CUX1: variants seen among roughly 807,000 people sequenced by gnomAD.
CUX1 encodes the protein protein CASP.
Under a neutral mutation model 158.8 loss-of-function variants are expected in CUX1, and 31 were observed. The observed-to-expected ratio is 0.20, with a 90% CI of 0.15 to 0.26. CUX1 has a LOEUF of 0.26. Ranked by LOEUF, CUX1 falls within the 10% of genes least tolerant of loss-of-function variation. The pLI is 1.00. For synonymous variants in CUX1, 879 were observed against 862.1 expected (o/e 1.02, Z -0.34); for missense variants, 1,589 against 2,014.6 (o/e 0.79, Z 4.04).
In CUX1 at chr7:101,984,496, C is replaced by CAA. The variant is rs569101693; in HGVS notation, c.142-43583_142-43582dup. On this transcript the variant is annotated intron_variant, in intron 2 of 23. Coordinates refer to ENST00000292535, the MANE Select transcript of CUX1 (RefSeq NM_181552.4). ...TTTGAACGCTCAGATTGTTCTCCGGCAAAAAAAAAAAAAAAAAAAAGTGCT... is the reference window on the plus strand; with the variant it reads ...TTTGAACGCTCAGATTGTTCTCCGGCAAAAAAAAAAAAAAAAAAAAAAGTGCT... 4.0e-3 allele frequency among the ~76,000 whole-genome samples: 450 copies of CAA among 111,628 alleles called. 3 individuals are homozygous for CAA. The highest frequency in any genetic ancestry group is 0.012 in the African/African-American group (326 of 27,076). 73.2% of individuals were successfully genotyped at this position (111,628 alleles called of 152,430 possible).
chr7:102,094,844 T>C (rs1829013097), intron 4 of CUX1, among the ~76,000 whole-genome samples: 1 of 152,074 alleles, frequency 6.6e-6, no homozygotes. Context: ...CAGCACAAGG[T>C]CGTGAAGGTG....
At chr7:102,269,412 C>CT (rs201452988) in intron 14 of CUX1, among the ~76,000 whole-genome samples, 13,846 of 144,864 alleles carry the variant, frequency 0.096, 843 homozygotes, top group East Asian at 0.28. Context: ...ACCCCAAAGT[C>CT]TTTTTTTTTT....
chr7:101,931,913 A>T (rs1283617506), intron 2 of CUX1, among the ~76,000 whole-genome samples: 1 of 152,130 alleles, frequency 6.6e-6, no homozygotes, highest in Non-Finnish European at 1.5e-5. Context: ...AAATTTGTAG[A>T]TTTGGAGAGG....
Position 102,115,282 on chromosome 7 carries a change from C to G in CUX1, c.674+9C>G. 1.2e-6 allele frequency: 2 copies of G among 1,606,958 alleles called. No homozygotes were observed. Among genetic ancestry groups the G allele is most frequent in the South Asian group, 1.1e-5 (1 of 89,702 alleles). ...GAAGAAACTACTGCAAAGTAAGTCT[C>G]TCTGCTTGGCCTCCCTTATCCGTAC... On this transcript the variant is annotated intron_variant, in intron 8 of 23. Transcript: ENST00000292535.
chr7:102,107,551 A>C (rs1353999154), intron 6 of CUX1, among the ~76,000 whole-genome samples: 1 of 152,210 alleles, frequency 6.6e-6, no homozygotes, highest in Non-Finnish European at 1.5e-5. Flanking sequence ...CCAAATAAAA[A>C]ATAAATAAAA....
At chr7:102,168,598 C>G (rs1797843781) in intron 9 of CUX1, among the ~76,000 whole-genome samples, 1 of 136,372 alleles carries the variant, frequency 7.3e-6, no homozygotes, top group Non-Finnish European at 1.5e-5. Flanking sequence ...GAGCCAAGAT[C>G]ATGCCACTGC....
chr7:101,979,461 G>A (rs1414003866), intron 2 of CUX1, among the ~76,000 whole-genome samples: 1 of 152,220 alleles, frequency 6.6e-6, no homozygotes, highest in Admixed American at 6.5e-5. Flanking sequence ...CTAGTTATCA[G>A]TCTGATATAT....
At chr7:102,191,454 A>G (rs562812948) in intron 12 of CUX1, among the ~76,000 whole-genome samples, 1 of 152,066 alleles carries the variant, frequency 6.6e-6, no homozygotes, top group East Asian at 1.9e-4. Context: ...GCTGGTCTCA[A>G]TCTCCCGACC....
chr7:102,250,330 T>C lies in CUX1; in HGVS notation c.*1288T>C, dbSNP rs1303307422. On this transcript the variant is annotated 3_prime_UTR_variant, in exon 24 of 24. Coordinates refer to ENST00000292535, the MANE Select transcript of CUX1 (RefSeq NM_181552.4). ...CCAGACGGGCCCATCCCCAAGTAGA[T>C]AGCAGTCTACGGATCTCTCTCTGGC... 1.0e-5 allele frequency: 10 copies of C among 985,298 alleles called. No individual in the cohort carries two copies. The African/African-American group carries it at 1.6e-4, about 15-fold the overall frequency. 61.0% of individuals were successfully genotyped at this position (985,298 alleles called of 1,614,324 possible).
At chr7:102,068,284 T>A (rs1302305460) in intron 3 of CUX1, among the ~76,000 whole-genome samples, 1 of 151,968 alleles carries the variant, frequency 6.6e-6, no homozygotes, top group Non-Finnish European at 1.5e-5. Context: ...GTAAAATTTT[T>A]ATTTTTAAAT....
intron 3 of CUX1, among the ~76,000 whole-genome samples, chr7:102,038,095 C>T (rs1821662444): frequency 6.6e-6 from 1 of 151,876 alleles, no homozygotes; most frequent in Admixed American, 6.6e-5. Flanking sequence ...CTGCTAGCTC[C>T]ATGGTATGTT....
intron 11 of CUX1, among the ~76,000 whole-genome samples, chr7:102,179,250 A>G (rs887831098): frequency 1.4e-4 from 21 of 152,064 alleles, no homozygotes; most frequent in African/African-American, 5.1e-4. Flanking sequence ...GTTTCGCCAC[A>G]TTGGCCAGGC....
chr7:101,843,691 A>G (rs986963935), intron 1 of CUX1, among the ~76,000 whole-genome samples: 4 of 152,132 alleles, frequency 2.6e-5, no homozygotes, highest in Non-Finnish European at 4.4e-5. Context: ...CTTTCTGTCA[A>G]ACAAGTTAAG....
At chr7:102,203,522 C>T (rs1352310194) in intron 18 of CUX1, among the ~76,000 whole-genome samples, 4 of 152,190 alleles carry the variant, frequency 2.6e-5, no homozygotes, top group Admixed American at 6.6e-5. Context: ...TATTTCAAGT[C>T]CCTTGAGATT....
intron 7 of CUX1, 71 bp downstream of exon 7, chr7:102,111,845 C>A: frequency 2.2e-6 from 3 of 1,377,050 alleles, no homozygotes; most frequent in Non-Finnish European, 3.1e-6. Flanking sequence ...CAGCCCCTGA[C>A]CGCCCCGGTC....
chr7:102,241,121 G>A (rs1053698725), intron 23 of CUX1, among the ~76,000 whole-genome samples: 1 of 152,134 alleles, frequency 6.6e-6, no homozygotes, highest in Non-Finnish European at 1.5e-5. Context: ...CACCCAGCCA[G>A]TTCTCTTCAT....
In CUX1 at chr7:102,253,926, C is replaced by T; in HGVS notation, c.*4884C>T. 2.0e-6 allele frequency: 2 copies of T among 985,620 alleles called. No homozygotes were observed. The highest frequency in any genetic ancestry group is 3.5e-5 in the African/African-American group (2 of 57,330). 61.1% of individuals were successfully genotyped at this position (985,620 alleles called of 1,614,324 possible). On this transcript the variant is annotated 3_prime_UTR_variant, in exon 24 of 24. Coordinates refer to ENST00000292535, the MANE Select transcript of CUX1 (RefSeq NM_181552.4). Reference sequence around the variant, plus strand: ...CCTCTTCTTCACACTCCTCATTGTCCCTTCTACCTCACTAACCTGTCTTCT... The same window carrying T: ...CCTCTTCTTCACACTCCTCATTGTCTCTTCTACCTCACTAACCTGTCTTCT...
intron 9 of CUX1, among the ~76,000 whole-genome samples, chr7:102,163,352 A>G (rs1043846635): frequency 5.9e-5 from 9 of 151,370 alleles, no homozygotes; most frequent in Admixed American, 3.9e-4. Context: ...AAAAATAGCC[A>G]GGTGTGGTGG....
intron 2 of CUX1, among the ~76,000 whole-genome samples, chr7:101,991,287 G>C (rs1815089071): frequency 6.6e-6 from 1 of 152,268 alleles, no homozygotes. Flanking sequence ...TAGCGGATGA[G>C]TTCTGGGACA....
Sources: gnomAD v4.1 joint callset for allele counts (sites outside exome capture counted in the v4.1 genomes callset) on GRCh38, gnomAD v4.1.1 for gene constraint, MANE v1.5 for transcripts, NCBI Gene and HGNC (gene_info 2026-07-23, HGNC 2026-07-21) for gene names.